CUX1: variants seen among roughly 807,000 people sequenced by gnomAD.
CUX1 encodes the protein cut like homeobox 1.
Under a neutral mutation model 158.8 loss-of-function variants are expected in CUX1, and 31 were observed. That is an observed-to-expected ratio of 0.20 (90% CI 0.15 to 0.26). The LOEUF (loss-of-function observed/expected upper bound fraction) is 0.26, where lower values mean the gene tolerates loss of function less well. Ranked by LOEUF, CUX1 falls within the 10% of genes least tolerant of loss-of-function variation. CUX1 has a pLI of 1.00. For missense variants in CUX1, 1,589 were observed against 2,014.6 expected, an observed-to-expected ratio of 0.79 and a Z score of 4.04; for synonymous variants, 879 against 862.1, an observed-to-expected ratio of 1.02 and a Z score of -0.34.
intron 1 of CUX1, among the ~76,000 whole-genome samples, chr7:101,832,438 C>T (rs907148993): frequency 1.5e-4 from 23 of 152,172 alleles, no homozygotes; most frequent in African/African-American, 4.1e-4. Context: ...CCAGCACCTG[C>T]GGTGCAGGGG....
chr7:102,262,302 G>A (rs1299146626), downstream of CUX1, among the ~76,000 whole-genome samples: 2 of 152,184 alleles, frequency 1.3e-5, no homozygotes, highest in African/African-American at 4.8e-5. Flanking sequence ...GGAGGCTGAG[G>A]CAGGAGAATC....
intron 2 of CUX1, among the ~76,000 whole-genome samples, chr7:101,958,879 C>T (rs1810104670): frequency 1.0e-5 from 1 of 97,050 alleles, no homozygotes; most frequent in South Asian, 3.8e-4. Context: ...TTTTAAGAGA[C>T]AGTATTGCCC....
At chr7:101,897,501 TA>T (rs11318780) in intron 1 of CUX1, among the ~76,000 whole-genome samples, 120,468 of 148,390 alleles carry the variant, frequency 0.81, 48,976 homozygotes, top group East Asian at 0.98. Context: ...TGTTGTCTCT[TA>T]AAAAAAAAAA....
rs1829316206 is a variant in CUX1 at position 102,097,451 on chromosome 7, G to A, written c.356G>A (p.Arg119Lys). 4 of 1,613,418 alleles carry A rather than the reference G, an allele frequency of 2.5e-6. No homozygotes were observed. The highest frequency in any genetic ancestry group is 2.2e-5 in the East Asian group (1 of 44,872). The change falls in exon 5 of 24, where the codon AGG (arginine) becomes AAG (lysine). Residue 119 changes from arginine (R) to lysine (K), a missense_variant. Transcript: ENST00000292535. The stretch of plus-strand genomic sequence containing the variant: ...ATTGAAACAGAGAACCAGAAACTTA[G>A]GGAAACTCTGGAAGAATACAACAAG... Reference protein sequence around the residue: ...HDIETENQKLRETLEEYNKEF... With the variant: ...HDIETENQKLKETLEEYNKEF...
rs1345685330 is a variant in CUX1, at chr7:102,254,538, G to T, written c.*5496G>T. 1 of 985,528 alleles carries T rather than the reference G, an allele frequency of 1.0e-6. No homozygotes were observed. Among genetic ancestry groups the T allele is most frequent in the South Asian group, 4.7e-5 (1 of 21,286 alleles). 61.0% of individuals were successfully genotyped at this position (985,528 alleles called of 1,614,324 possible). Reference sequence around the variant, plus strand: ...AATCAGCTCCTGGGGCTGGTGGTTGGAGGTGGGTCTGTCCACTGTGGGGGC... The same window carrying T: ...AATCAGCTCCTGGGGCTGGTGGTTGTAGGTGGGTCTGTCCACTGTGGGGGC... On this transcript the variant is annotated 3_prime_UTR_variant, in exon 24 of 24. Coordinates refer to ENST00000292535, the MANE Select transcript of CUX1 (RefSeq NM_181552.4).
rs971475809 is a variant in CUX1 at position 101,853,671 on chromosome 7, G to A, written c.30+36002G>A. On this transcript the variant is annotated intron_variant, in intron 1 of 23. Coordinates refer to ENST00000292535, the MANE Select transcript of CUX1 (RefSeq NM_181552.4). ...GCCCCCACCGTAAGTAATTAACCCA[G>A]GTGTCTAGTTGCGGGGAGCCCCCAG... Among the ~76,000 whole-genome samples, 17 of 151,818 alleles carry A rather than the reference G, an allele frequency of 1.1e-4. No individual in the cohort carries two copies. In the East Asian group the frequency reaches 3.3e-3, roughly 29 times the overall value.
At chr7:101,933,893 A>G (rs1357124325) in intron 2 of CUX1, among the ~76,000 whole-genome samples, 2 of 152,230 alleles carry the variant, frequency 1.3e-5, no homozygotes, top group African/African-American at 4.8e-5. Context: ...AAATGATGAA[A>G]AAAAAAGTTC....
intron 7 of CUX1, among the ~76,000 whole-genome samples, chr7:102,112,621 G>A (rs1295822652): frequency 1.3e-5 from 2 of 151,406 alleles, no homozygotes; most frequent in Non-Finnish European, 2.9e-5. Flanking sequence ...CCAGGCTGGG[G>A]TGCAGTGGTG....
At chr7:102,096,837 C>A (rs575744818) in intron 4 of CUX1, among the ~76,000 whole-genome samples, 3 of 152,148 alleles carry the variant, frequency 2.0e-5, no homozygotes, top group African/African-American at 4.8e-5. Flanking sequence ...GTTTCTGAGG[C>A]CTCTTTCTCG....
intron 5 of CUX1, among the ~76,000 whole-genome samples, chr7:102,099,334 G>A (rs1829543537): frequency 6.6e-6 from 1 of 152,108 alleles, no homozygotes; most frequent in South Asian, 2.1e-4. Context: ...ACTAGGGCTG[G>A]AACTGCTGTG....
At chr7:101,915,266 C>T (rs1158384901) in intron 1 of CUX1, among the ~76,000 whole-genome samples, 1 of 152,144 alleles carries the variant, frequency 6.6e-6, no homozygotes, top group South Asian at 2.1e-4. Flanking sequence ...GAAACAGATC[C>T]TCTTGGCAGC....
At chr7:101,998,683 T>A (rs1363904813) in intron 2 of CUX1, among the ~76,000 whole-genome samples, 1 of 152,150 alleles carries the variant, frequency 6.6e-6, no homozygotes, top group Non-Finnish European at 1.5e-5. Flanking sequence ...GTGAAAAAAA[T>A]TGGTTTTTTT....
In CUX1 at chr7:102,252,046, T is replaced by TA. The variant is rs369903244; in HGVS notation, c.*3005dup. The TA allele has an allele frequency of 3.0e-6, 3 of 985,462 alleles. No individual in the cohort carries two copies. The highest frequency in any genetic ancestry group is 3.5e-5 in the African/African-American group (2 of 57,370). 61.0% of individuals were successfully genotyped at this position (985,462 alleles called of 1,614,324 possible). A position where few individuals can be genotyped will look rare whatever the true frequency, so the allele number is the denominator to read the frequency against. Reference sequence around the variant, plus strand: ...CCCATTCTGTCTTTTTTGCCAGACTTACATCTGGTGCCAGATACAATCAGT... The same window carrying TA: ...CCCATTCTGTCTTTTTTGCCAGACTTAACATCTGGTGCCAGATACAATCAGT... On this transcript the variant is annotated 3_prime_UTR_variant, in exon 24 of 24. Transcript: ENST00000292535.
intron 14 of CUX1, among the ~76,000 whole-genome samples, chr7:102,266,767 G>A (rs550767588): frequency 3.9e-5 from 6 of 152,278 alleles, no homozygotes; most frequent in African/African-American, 7.2e-5. Flanking sequence ...AAACAAGGAC[G>A]TGGCAATGTG....
chr7:102,029,096 G>A (rs900888856), intron 3 of CUX1, among the ~76,000 whole-genome samples: 1 of 149,142 alleles, frequency 6.7e-6, no homozygotes, highest in African/African-American at 2.5e-5. Flanking sequence ...AGGTTCAAGT[G>A]ATTCTCCTGT....
In CUX1 at chr7:102,082,968, G is replaced by A. The variant is rs555325585; in HGVS notation, c.268+12551G>A. ...TTTCCCTTAGGCAAATACTTAGGAT[G>A]AGGGTCAGGGAACCTGTACATTTTA... On this transcript the variant is annotated intron_variant, in intron 4 of 23. Coordinates refer to ENST00000292535, the MANE Select transcript of CUX1 (RefSeq NM_181552.4). Among the ~76,000 whole-genome samples the A allele has an allele frequency of 1.0e-3, 152 of 147,598 alleles. 19 individuals carry two copies. Among genetic ancestry groups the A allele is most frequent in the Admixed American group, 1.4e-3 (20 of 14,678 alleles).
intron 8 of CUX1, among the ~76,000 whole-genome samples, chr7:102,118,952 A>G (rs576225926): frequency 3.3e-5 from 5 of 151,980 alleles, no homozygotes; most frequent in Non-Finnish European, 5.9e-5. Context: ...GGGTTTCACC[A>G]TGTTAGCCAG....
chr7:102,185,134 C>A (rs1554514927), intron 11 of CUX1, among the ~76,000 whole-genome samples: 1 of 152,134 alleles, frequency 6.6e-6, no homozygotes, highest in African/African-American at 2.4e-5. Flanking sequence ...CGAACAGAGC[C>A]CCTGGAGAAA....
Position 101,855,565 on chromosome 7 carries a change from T to C in CUX1, c.30+37896T>C, listed in dbSNP as rs191039270. 2.6e-5 allele frequency among the ~76,000 whole-genome samples: 4 copies of C among 152,300 alleles called. No individual in the cohort carries two copies. In the East Asian group the frequency reaches 7.7e-4, roughly 29 times the overall value. On this transcript the variant is annotated intron_variant, in intron 1 of 23. Transcript: ENST00000292535. ...ACAACATTCATTTTGGTACTTTCTC[T>C]GTGTTCTCCCCATGTGTTAAAAAGC...
Sources: gnomAD v4.1 joint callset for allele counts (sites outside exome capture counted in the v4.1 genomes callset) on GRCh38, gnomAD v4.1.1 for gene constraint, MANE v1.5 for transcripts, NCBI Gene and HGNC (gene_info 2026-07-23, HGNC 2026-07-21) for gene names.